The following PPM1L variants were observed in gnomAD, a reference collection of about 807,000 sequenced individuals.
PPM1L encodes protein phosphatase, Mg2+/Mn2+ dependent 1L, also known as protein phosphatase 1L.
PPM1L carries 13 observed loss-of-function variants against 31.4 expected under a neutral mutation model. The ratio of observed to expected loss-of-function variants is 0.41; its 90% CI spans 0.27 to 0.66. The LOEUF (loss-of-function observed/expected upper bound fraction) is 0.66, where lower values mean the gene tolerates loss of function less well. Ranked by LOEUF, PPM1L falls within the 30% of genes least tolerant of loss-of-function variation. The pLI is 0.29. For missense variants in PPM1L, 326 were observed against 453.7 expected (o/e 0.72, Z 2.56); for synonymous variants, 184 against 175.4 (o/e 1.05, Z -0.39).
intron 1 of PPM1L, among the ~76,000 whole-genome samples, chr3:160,888,638 G>A (rs564864896): frequency 6.6e-6 from 1 of 152,268 alleles, no homozygotes; most frequent in African/African-American, 2.4e-5. Context: ...AATTAACAAG[G>A]ATATTCAGGA....
At chr3:160,861,988 A>G (rs1711908704) in intron 1 of PPM1L, among the ~76,000 whole-genome samples, 1 of 152,146 alleles carries the variant, frequency 6.6e-6, no homozygotes, top group Non-Finnish European at 1.5e-5. Flanking sequence ...AATGCAGGAA[A>G]ATATTCCCAT....
chr3:161,000,069 A>G (rs114552990), intron 2 of PPM1L, among the ~76,000 whole-genome samples: 1,920 of 152,330 alleles, frequency 0.013, 39 homozygotes, highest in African/African-American at 0.045. Flanking sequence ...GATGTTCGGT[A>G]AATGTTTGCT....
intron 1 of PPM1L, among the ~76,000 whole-genome samples, chr3:160,954,438 T>C (rs1278410235): frequency 6.6e-6 from 1 of 152,094 alleles, no homozygotes; most frequent in Non-Finnish European, 1.5e-5. Context: ...CTCAGCTCAC[T>C]GCAACCTCCA....
chr3:160,790,343 A>T (rs1712066990), intron 1 of PPM1L, among the ~76,000 whole-genome samples: 1 of 152,148 alleles, frequency 6.6e-6, no homozygotes, highest in Non-Finnish European at 1.5e-5. Context: ...AGCACCTTAG[A>T]AATTAAGCAT....
rs1185812888 is a variant in PPM1L, at chr3:161,076,290, G to A, written c.*7133G>A. The stretch of plus-strand genomic sequence containing the variant: ...GACTTCTTCGTGTAGTAATGAAAAC[G>A]TCTAAATCCTGCTCTGTGGAGAAAA... On this transcript the variant is annotated 3_prime_UTR_variant, in exon 4 of 4. Coordinates refer to ENST00000498165, the MANE Select transcript of PPM1L (RefSeq NM_139245.4). 1 of 152,120 alleles carries A rather than the reference G, an allele frequency of 6.6e-6. No individual in the cohort carries two copies. The highest frequency in any genetic ancestry group is 2.4e-5 in the African/African-American group (1 of 41,430). The allele number at this position is 152,120 out of a possible 1,614,324, so 9.4% of individuals were successfully genotyped here. A position where few individuals can be genotyped will look rare whatever the true frequency, so the allele number is the denominator to read the frequency against.
intron 1 of PPM1L, among the ~76,000 whole-genome samples, chr3:160,757,492 AT>A (rs1714843587): frequency 6.6e-6 from 1 of 152,222 alleles, no homozygotes; most frequent in Admixed American, 6.5e-5. Flanking sequence ...GAAGCAGGAG[AT>A]AGCTAGAGGC....
chr3:161,051,902 C>T (rs1203857363), intron 2 of PPM1L, among the ~76,000 whole-genome samples: 4 of 152,158 alleles, frequency 2.6e-5, no homozygotes, highest in East Asian at 3.9e-4. Flanking sequence ...CTGATTTTCT[C>T]AGGTTCTTTT....
intron 1 of PPM1L, among the ~76,000 whole-genome samples, chr3:160,800,497 A>G (rs963407897): frequency 2.0e-5 from 3 of 152,178 alleles, no homozygotes; most frequent in African/African-American, 7.2e-5. Context: ...GTAACCTAAA[A>G]TGATATCAAG....
At chr3:161,034,771 C>A (rs1006639200) in intron 2 of PPM1L, among the ~76,000 whole-genome samples, 1 of 151,512 alleles carries the variant, frequency 6.6e-6, no homozygotes, top group African/African-American at 2.4e-5. Flanking sequence ...TTGATGGGTG[C>A]AGCAAACCAC....
chr3:160,980,777 GGAGAGGGAGGGAGGGAAGGGA>G (rs556311848), intron 2 of PPM1L, among the ~76,000 whole-genome samples: 56 of 151,542 alleles, frequency 3.7e-4, no homozygotes, highest in Middle Eastern at 6.8e-3. Flanking sequence ...GGAAAGAAAA[GGAGAGGGAGGGAGGGAAGGGA>G]GAGAGGGAGG....
At chr3:161,050,270 C>G (rs533826277) in intron 2 of PPM1L, among the ~76,000 whole-genome samples, 3 of 152,230 alleles carry the variant, frequency 2.0e-5, no homozygotes, top group African/African-American at 7.2e-5. Flanking sequence ...TGAGGAAAAT[C>G]AAACAACTAT....
At chr3:160,902,849 A>T (rs531305751) in intron 1 of PPM1L, among the ~76,000 whole-genome samples, 1 of 152,110 alleles carries the variant, frequency 6.6e-6, no homozygotes, top group East Asian at 1.9e-4. Context: ...ACCCATTAAG[A>T]TGTTTATCTA....
intron 1 of PPM1L, among the ~76,000 whole-genome samples, chr3:160,901,692 T>A (rs995279606): frequency 6.6e-6 from 1 of 152,228 alleles, no homozygotes; most frequent in Non-Finnish European, 1.5e-5. Flanking sequence ...AGCTCCTTGG[T>A]ACATACTTGT....
intron 2 of PPM1L, among the ~76,000 whole-genome samples, chr3:161,031,055 C>T (rs937156678): frequency 6.6e-6 from 1 of 152,180 alleles, no homozygotes; most frequent in Non-Finnish European, 1.5e-5. Context: ...TATTACTTTC[C>T]TTTATAAGCT....
intron 1 of PPM1L, among the ~76,000 whole-genome samples, chr3:160,796,963 A>G (rs570811122): frequency 6.6e-6 from 1 of 152,232 alleles, no homozygotes; most frequent in Admixed American, 6.5e-5. Flanking sequence ...CCACTCTCCC[A>G]TGCTCACTCT....
At chr3:160,888,970 A>G (rs1223043904) in intron 1 of PPM1L, among the ~76,000 whole-genome samples, 2 of 152,238 alleles carry the variant, frequency 1.3e-5, no homozygotes, top group African/African-American at 2.4e-5. Context: ...CAAAGAGACA[A>G]TGTACCAAAA....
intron 2 of PPM1L, among the ~76,000 whole-genome samples, chr3:160,994,647 C>CTA (rs1717247857): frequency 6.6e-6 from 1 of 152,186 alleles, no homozygotes; most frequent in Non-Finnish European, 1.5e-5. Context: ...TTACCACACA[C>CTA]TACTATGTGC....
At chr3:161,068,671 C>T in intron 3 of PPM1L, 140 bp from the exon 4 acceptor site, 1 of 656,250 alleles carries the variant, frequency 1.5e-6, no homozygotes, top group East Asian at 2.7e-5. Context: ...TGCAGTGGGT[C>T]CCAGGAGTGA....
At chr3:160,834,382 G>T (rs917106533) in intron 1 of PPM1L, among the ~76,000 whole-genome samples, 1 of 151,672 alleles carries the variant, frequency 6.6e-6, no homozygotes, top group Non-Finnish European at 1.5e-5. Context: ...AGATCAGATG[G>T]TTGTAGAAGT....
Sources: allele counts gnomAD v4.1 joint callset (sites outside exome capture counted in the v4.1 genomes callset), GRCh38; gene constraint gnomAD v4.1.1; transcripts MANE v1.5; gene names NCBI Gene and HGNC (gene_info 2026-07-23, HGNC 2026-07-21).